EMX2: variants seen among roughly 807,000 people sequenced by gnomAD.
EMX2 encodes the protein empty spiracles homeobox 2, also known as homeobox protein EMX2.
A neutral mutation model predicts 23.0 loss-of-function variants in EMX2; 6 were observed. The observed-to-expected ratio is 0.26, with a 90% CI of 0.14 to 0.52. The LOEUF is 0.52. Among genes scored for constraint, EMX2 ranks in the 20% least tolerant of loss-of-function variants. EMX2 has a pLI of 0.97. For synonymous variants in EMX2, 175 were observed against 153.3 expected (o/e 1.14, Z -1.04); for missense variants, 302 against 341.4 (o/e 0.88, Z 0.91).
Position 117,548,182 on chromosome 10 carries a change from G to T in EMX2, c.709G>T (p.Ala237Ser). ...GCACCATATTAACCGGTGGAGAATC[G>T]CCACCAAGCAGGCGAGTCCGGAGGA... ...GTHHINRWRI[A>S]TKQASPEEID... The change falls in exon 3 of 3, where the codon GCC (alanine) becomes TCC (serine). Residue 237 changes from alanine (A) to serine (S), a missense_variant. By Grantham distance (99) the Ala-to-Ser change is moderately conservative (BLOSUM62 1). This residue lies in a region of EMX2 where 42 missense variants were observed against 49.3 expected (regional missense o/e 0.85). Transcript: ENST00000553456. The T allele has an allele frequency of 1.9e-6, 3 of 1,613,864 alleles. No individual in the cohort carries two copies. The highest frequency in any genetic ancestry group is 2.5e-6 in the Non-Finnish European group (3 of 1,179,938).
Position 117,548,605 on chromosome 10 carries a change from GTCAA to G in EMX2, c.*378_*381del, listed in dbSNP as rs1307242612. ...AACGTGCACTCTGACAAGGGGAGCT[GTCAA>G]TCAAACACCAAACCGGGGAGACAAG... On this transcript the variant is annotated 3_prime_UTR_variant, in exon 3 of 3. Transcript: ENST00000553456. 8 of 490,944 alleles carry G rather than the reference GTCAA, an allele frequency of 1.6e-5. No individual in the cohort carries two copies. Among genetic ancestry groups the G allele is most frequent in the Admixed American group, 1.1e-4 (3 of 26,570 alleles). 30.4% of individuals were successfully genotyped at this position (490,944 alleles called of 1,614,324 possible). A position where few individuals can be genotyped will look rare whatever the true frequency, so the allele number is the denominator to read the frequency against.
chr10:117,545,953 C>T (rs1424571296), intron 2 of EMX2, 137 bp downstream of exon 2: 3 of 1,250,614 alleles, frequency 2.4e-6, no homozygotes, highest in Non-Finnish European at 3.4e-6. Context: ...CACGCCTGGG[C>T]TCGGGATGTA....
At chr10:117,547,008 G>A (rs539538401) in intron 2 of EMX2, among the ~76,000 whole-genome samples, 14 of 152,320 alleles carry the variant, frequency 9.2e-5, no homozygotes, top group Admixed American at 8.5e-4. Flanking sequence ...TAGGAGTTGT[G>A]GGGGGAGGGT....
intron 1 of EMX2, 106 bp from the exon 2 acceptor site, chr10:117,545,526 A>C: frequency 7.2e-7 from 1 of 1,395,818 alleles, no homozygotes; most frequent in Non-Finnish European, 9.8e-7. Flanking sequence ...CGGCGCGGCT[A>C]TGCGAAGGCC....
Position 117,543,487 on chromosome 10 carries a change from G to A in EMX2, c.220G>A (p.Ala74Thr). 6.2e-7 allele frequency: 1 copy of A among 1,609,700 alleles called. No homozygotes were observed. Among genetic ancestry groups the A allele is most frequent in the Non-Finnish European group, 8.5e-7 (1 of 1,178,622 alleles). Residue 74 changes from alanine (A) to threonine (T), a missense_variant, in exon 1 of 3, where the codon GCG (alanine) becomes ACG (threonine). Around this residue, in one of 4 missense-constraint regions of EMX2, gnomAD observed 221 missense variants for 206.8 expected, o/e 1.07. Transcript: ENST00000553456. ...CAACCCGGACTTGGTGTTCGCCGAG[G>A]CGGTCTCGCACCCGCCCAACCCCGC... The part of the protein sequence containing the change: ...YSNPDLVFAE[A>T]VSHPPNPAVP...
rs985474772 is a variant in EMX2 at position 117,548,454 on chromosome 10, C to G, written c.*222C>G. 8 of 648,270 alleles carry G rather than the reference C, an allele frequency of 1.2e-5. No individual in the cohort carries two copies. Among genetic ancestry groups the G allele is most frequent in the Non-Finnish European group, 2.1e-5 (8 of 382,352 alleles). 40.2% of individuals were successfully genotyped at this position (648,270 alleles called of 1,614,324 possible). A position where few individuals can be genotyped will look rare whatever the true frequency, so the allele number is the denominator to read the frequency against. ...GCCAAGATGGCAGAGGATGGAGGCT[C>G]CTTCATCAACAAGCGACCCTCGTCT... On this transcript the variant is annotated 3_prime_UTR_variant, in exon 3 of 3. Transcript: ENST00000553456.
Position 117,543,513 on chromosome 10 carries a change from C to A in EMX2, c.246C>A (p.Ala82=). The A allele has an allele frequency of 1.2e-6, 2 of 1,610,230 alleles. No homozygotes were observed. The highest frequency in any genetic ancestry group is 2.2e-5 in the South Asian group (2 of 90,888). Reference sequence around the variant, plus strand: ...CGGTCTCGCACCCGCCCAACCCCGCCGTGCCAGTGCACCCGGTGCCGCCGC... The same window carrying A: ...CGGTCTCGCACCCGCCCAACCCCGCAGTGCCAGTGCACCCGGTGCCGCCGC... ...AEAVSHPPNP[A]VPVHPVPPPH... is the part of the protein sequence containing the mutation. Residue 82 remains alanine, a synonymous_variant, in exon 1 of 3, where the codon GCC becomes GCA. Coordinates refer to ENST00000553456, the MANE Select transcript of EMX2 (RefSeq NM_004098.4).
In EMX2 at chr10:117,543,186, C is replaced by T; in HGVS notation, c.-82C>T. 8.4e-7 allele frequency: 1 copy of T among 1,188,534 alleles called. No individual in the cohort carries two copies. The allele number at this position is 1,188,534 out of a possible 1,614,324, so 73.6% of individuals were successfully genotyped here. A position where few individuals can be genotyped will look rare whatever the true frequency, so the allele number is the denominator to read the frequency against. On this transcript the variant is annotated 5_prime_UTR_variant, in exon 1 of 3. Transcript: ENST00000553456. ...CGAGTCCCCAATTCTCGTCCGTCCT[C>T]GCCGCGGGCAGCGGGCGGCGGAGGC... is the stretch of plus-strand genomic sequence containing the variant.
At chr10:117,547,411 G>T (rs1027319001) in intron 2 of EMX2, among the ~76,000 whole-genome samples, 1 of 152,168 alleles carries the variant, frequency 6.6e-6, no homozygotes, top group Admixed American at 6.5e-5. Context: ...GTACAGCTGG[G>T]TTGGTCTGGA....
Position 117,548,058 on chromosome 10 carries a change from C to A in EMX2, c.592-7C>A. On this transcript the variant is annotated splice_polypyrimidine_tract_variant and splice_region_variant and intron_variant, in intron 2 of 2. Coordinates refer to ENST00000553456, the MANE Select transcript of EMX2 (RefSeq NM_004098.4). ...ACTAACGCACCCCATCTGCCTCTCACCCGCAGGTAAAAGTATGGTTTCAGA... is the reference window on the plus strand; with the variant it reads ...ACTAACGCACCCCATCTGCCTCTCAACCGCAGGTAAAAGTATGGTTTCAGA... 6.2e-7 allele frequency: 1 copy of A among 1,607,418 alleles called. No individual in the cohort carries two copies.
Position 117,548,220 on chromosome 10 carries a change from C to T in EMX2, c.747C>T (p.Thr249=), listed in dbSNP as rs1846607800. ...KQASPEEIDV[T]SDD is the part of the protein sequence containing the mutation. ...CGAGTCCGGAGGAAATAGACGTGAC[C>T]TCAGATGATTAAAAACATAAACCTA... Residue 249 remains threonine (T), a synonymous_variant, in exon 3 of 3, where the codon ACC becomes ACT. Transcript: ENST00000553456. 1 of 1,613,716 alleles carries T rather than the reference C, an allele frequency of 6.2e-7. No homozygotes were observed. The highest frequency in any genetic ancestry group is 8.5e-7 in the Non-Finnish European group (1 of 1,179,872).
At position 117,543,477 on chromosome 10, in the gene EMX2, G is replaced by A; in HGVS notation, c.210G>A (p.Val70=). 6.2e-7 allele frequency: 1 copy of A among 1,609,568 alleles called. No individual in the cohort carries two copies. Among genetic ancestry groups the A allele is most frequent in the Non-Finnish European group, 8.5e-7 (1 of 1,178,512 alleles). ...GCGTCTACTCCAACCCGGACTTGGT[G>A]TTCGCCGAGGCGGTCTCGCACCCGC... ...GRGVYSNPDL[V]FAEAVSHPPN... Residue 70 remains valine (V), a synonymous_variant, in exon 1 of 3, where the codon GTG becomes GTA. Transcript: ENST00000553456.
rs1294703459 is a variant in EMX2 at position 117,548,173 on chromosome 10, T to C, written c.700T>C (p.Trp234Arg). The C allele has an allele frequency of 6.2e-7, 1 of 1,612,934 alleles. No homozygotes were observed. Among genetic ancestry groups the C allele is most frequent in the Non-Finnish European group, 8.5e-7 (1 of 1,179,744 alleles). ...AAAAGGGACGCACCATATTAACCGG[T>C]GGAGAATCGCCACCAAGCAGGCGAG... ...KKKGTHHINR[W>R]RIATKQASPE... is the part of the protein sequence containing the mutation. The change falls in exon 3 of 3, where the codon TGG (tryptophan) becomes CGG (arginine). Residue 234 changes from tryptophan to arginine, a missense_variant. Physicochemically the swap from Trp to Arg is moderately radical, Grantham distance 101 (BLOSUM62 -3). This residue lies in a region of EMX2 where 42 missense variants were observed against 49.3 expected (regional missense o/e 0.85). Coordinates refer to ENST00000553456, the MANE Select transcript of EMX2 (RefSeq NM_004098.4).
chr10:117,543,849 G>C (rs1386361154), intron 1 of EMX2, among the ~76,000 whole-genome samples, 176 bp downstream of exon 1: 9 of 152,228 alleles, frequency 5.9e-5, no homozygotes, highest in Admixed American at 5.9e-4. Context: ...TCGATCCCCA[G>C]TCTCCGAAGC....
At chr10:117,543,862 C>T (rs894679634) in intron 1 of EMX2, among the ~76,000 whole-genome samples, 189 bp downstream of exon 1, 2 of 152,224 alleles carry the variant, frequency 1.3e-5, no homozygotes, top group Admixed American at 1.3e-4. Flanking sequence ...TCCGAAGCTA[C>T]GACTGGTTTG....
At chr10:117,545,398 C>T (rs1486987947) in intron 1 of EMX2, among the ~76,000 whole-genome samples, 1 of 152,206 alleles carries the variant, frequency 6.6e-6, no homozygotes, top group African/African-American at 2.4e-5. Flanking sequence ...ACTGGCTCCT[C>T]TGCGACAGCG....
intron 1 of EMX2, chr10:117,544,761 C>G (rs1385703345): frequency 1.3e-5 from 2 of 152,196 alleles, no homozygotes; most frequent in African/African-American, 4.8e-5. Flanking sequence ...GGACTGTCGG[C>G]TTGTTTTTCT....
At position 117,543,539 on chromosome 10, in the gene EMX2, C is replaced by A. The variant is rs200357168; in HGVS notation, c.272C>A (p.Pro91Gln). The change falls in exon 1 of 3, where the codon CCG (proline) becomes CAG (glutamine). Residue 91 changes from proline to glutamine, a missense_variant. Pro to Gln is a moderately conservative substitution (Grantham distance 76, BLOSUM62 -1). Coordinates refer to ENST00000553456, the MANE Select transcript of EMX2 (RefSeq NM_004098.4). ...PAVPVHPVPP[P>Q]HALAAHPLPS... is the part of the protein sequence containing the mutation. ...GTGCCAGTGCACCCGGTGCCGCCGC[C>A]GCACGCCCTGGCCGCCCACCCCCTA... is the stretch of plus-strand genomic sequence containing the variant. 3 of 1,611,534 alleles carry A rather than the reference C, an allele frequency of 1.9e-6. No individual in the cohort carries two copies. Among genetic ancestry groups the A allele is most frequent in the Non-Finnish European group, 2.5e-6 (3 of 1,179,090 alleles).
At chr10:117,547,097 C>T (rs1178588754) in intron 2 of EMX2, among the ~76,000 whole-genome samples, 1 of 152,168 alleles carries the variant, frequency 6.6e-6, no homozygotes, top group Admixed American at 6.5e-5. Flanking sequence ...TGTCTGGTGG[C>T]TAAATGAGGA....
Sources: gnomAD v4.1 joint callset for allele counts (sites outside exome capture counted in the v4.1 genomes callset) on GRCh38, gnomAD v4.1.1 for gene constraint, gnomAD v4.1.1 regional missense constraint, MANE v1.5 for transcripts, NCBI Gene and HGNC (gene_info 2026-07-23, HGNC 2026-07-21) for gene names.